The following SETD5 variants were observed in gnomAD, a reference collection of about 807,000 sequenced individuals.
SETD5 encodes the protein histone-lysine N-methyltransferase SETD5.
Under a neutral mutation model 153.3 loss-of-function variants are expected in SETD5, and 44 were observed. That is an observed-to-expected ratio of 0.29 (90% CI 0.23 to 0.37). SETD5 has a LOEUF of 0.37. Among genes scored for constraint, SETD5 ranks in the 10% least tolerant of loss-of-function variants. The pLI is 1.00. For synonymous variants in SETD5, 716 were observed against 645.2 expected (o/e 1.11, Z -1.66); for missense variants, 1,544 against 1,768.0 (o/e 0.87, Z 2.27).
intron 1 of SETD5, among the ~76,000 whole-genome samples, chr3:9,407,544 C>T (rs965745922): frequency 6.6e-6 from 1 of 152,062 alleles, no homozygotes; most frequent in Admixed American, 6.5e-5. Context: ...AAACATATCC[C>T]ACTTCATGAA....
At chr3:9,418,862 T>C (rs1171338722) in intron 1 of SETD5, among the ~76,000 whole-genome samples, 1 of 151,988 alleles carries the variant, frequency 6.6e-6, no homozygotes, top group East Asian at 1.9e-4. Context: ...ATAACTTTCA[T>C]TTTAGGGTTT....
At chr3:9,433,767 T>C in intron 3 of SETD5, 78 bp from the exon 4 acceptor site, 1 of 1,419,904 alleles carries the variant, frequency 7.0e-7, no homozygotes, top group Non-Finnish European at 9.9e-7. Context: ...GAGGAGGGGT[T>C]AGAATGGGAA....
chr3:9,410,340 G>T (rs2036368928), intron 1 of SETD5, among the ~76,000 whole-genome samples: 1 of 152,180 alleles, frequency 6.6e-6, no homozygotes, highest in South Asian at 2.1e-4. Context: ...ATCATATGTG[G>T]TCCATCCTTG....
intron 2 of SETD5, among the ~76,000 whole-genome samples, chr3:9,428,604 AAAAC>A (rs2039594542): frequency 6.6e-6 from 1 of 152,234 alleles, no homozygotes; most frequent in Non-Finnish European, 1.5e-5. Flanking sequence ...ACTGAAAAGA[AAAAC>A]AAAAGTAAAC....
At position 9,432,416 on chromosome 3, in the gene SETD5, A is replaced by G. The variant is rs139298161; in HGVS notation, c.72-1429A>G. The G allele has an allele frequency of 8.6e-6, 3 of 349,768 alleles. No homozygotes were observed. The East Asian group carries it at 5.0e-4, about 59-fold the overall frequency. 21.7% of individuals were successfully genotyped at this position (349,768 alleles called of 1,614,324 possible). On this transcript the variant is annotated intron_variant, in intron 3 of 22. Coordinates refer to ENST00000402198, the MANE Select transcript of SETD5 (RefSeq NM_001080517.3). ...TGAACTGCACACTTATTCCTGCTGTACTATATATTGTATATCTTTAAGCAG... is the reference window on the plus strand; with the variant it reads ...TGAACTGCACACTTATTCCTGCTGTGCTATATATTGTATATCTTTAAGCAG...
At chr3:9,443,949 C>A (rs2041621393) in intron 11 of SETD5, among the ~76,000 whole-genome samples, 1 of 152,152 alleles carries the variant, frequency 6.6e-6, no homozygotes, top group Non-Finnish European at 1.5e-5. Flanking sequence ...GTAGTCCCAG[C>A]CACTTGAGAG....
chr3:9,459,587 G>GGCGAAA (rs2043681742), intron 17 of SETD5, among the ~76,000 whole-genome samples: 3 of 151,074 alleles, frequency 2.0e-5, no homozygotes, highest in African/African-American at 7.3e-5. Flanking sequence ...TGGCTAACAC[G>GGCGAAA]GCGAAACCCC....
intron 17 of SETD5, among the ~76,000 whole-genome samples, chr3:9,454,969 T>G (rs1281107244): frequency 2.0e-5 from 3 of 152,138 alleles, no homozygotes; most frequent in African/African-American, 7.2e-5. Context: ...TTTCACATTT[T>G]CATAAAAAAC....
chr3:9,443,097 C>G (rs1209833434), intron 10 of SETD5: 1 of 437,578 alleles, frequency 2.3e-6, no homozygotes, highest in Non-Finnish European at 4.2e-6. Flanking sequence ...CAAGGTTTCT[C>G]CACATATTTA....
At chr3:9,446,006 C>T (rs369195380) in intron 13 of SETD5, among the ~76,000 whole-genome samples, 3 of 125,464 alleles carry the variant, frequency 2.4e-5, no homozygotes, top group South Asian at 4.7e-4. Flanking sequence ...ATCTGGTTTC[C>T]GCTGGGCGCG....
intron 17 of SETD5, among the ~76,000 whole-genome samples, chr3:9,456,895 G>A (rs1412521129): frequency 6.6e-6 from 1 of 152,080 alleles, no homozygotes; most frequent in African/African-American, 2.4e-5. Context: ...AGGATTGCTT[G>A]AACCTGGGAG....
Position 9,448,525 on chromosome 3 carries a change from A to T in SETD5, c.2241A>T (p.Leu747Phe), listed in dbSNP as rs776114123. 6.2e-7 allele frequency: 1 copy of T among 1,613,764 alleles called. No homozygotes were observed. The highest frequency in any genetic ancestry group is 1.7e-5 in the Admixed American group (1 of 59,978). The change falls in exon 16 of 23, where the codon TTA becomes TTT. Residue 747 changes from leucine to phenylalanine, a missense_variant. Transcript: ENST00000402198. ...TACCAGGTCTTATCCATTCCCCGTTAATTTGCACCACCCCCAAACACTACA... is the reference window on the plus strand; with the variant it reads ...TACCAGGTCTTATCCATTCCCCGTTTATTTGCACCACCCCCAAACACTACA... Reference protein sequence around the residue: ...NMLPGLIHSPLICTTPKHYIR... With the variant: ...NMLPGLIHSPFICTTPKHYIR...
chr3:9,445,988 T>TTTTTTTTTTTTTTTTTTTTTA (rs1260243657), intron 13 of SETD5, among the ~76,000 whole-genome samples: 2 of 145,620 alleles, frequency 1.4e-5, no homozygotes, highest in African/African-American at 5.2e-5. Flanking sequence ...TTTTTTTTTT[T>TTTTTTTTTTTTTTTTTTTTTA]ACTAACAATC....
In SETD5 at chr3:9,470,489, A is replaced by G. The variant is rs2045180503; in HGVS notation, c.2755A>G (p.Lys919Glu). 6.2e-7 allele frequency: 1 copy of G among 1,612,356 alleles called. No homozygotes were observed. The highest frequency in any genetic ancestry group is 8.5e-7 in the Non-Finnish European group (1 of 1,178,750). Residue 919 changes from lysine (K) to glutamate (E), a missense_variant, in exon 19 of 23, where the codon AAA (lysine) becomes GAA (glutamate). Coordinates refer to ENST00000402198, the MANE Select transcript of SETD5 (RefSeq NM_001080517.3). ...LCHRKDLDLA[K>E]VGYLDSNTNS... is the part of the protein sequence containing the mutation. ...TCACCGAAAAGACCTGGATTTGGCAAAAGTAGGATACCTTGACTCCAACAC... is the reference window on the plus strand; with the variant it reads ...TCACCGAAAAGACCTGGATTTGGCAGAAGTAGGATACCTTGACTCCAACAC...
intron 1 of SETD5, among the ~76,000 whole-genome samples, chr3:9,400,520 C>G (rs1166099092): frequency 6.6e-6 from 1 of 152,106 alleles, no homozygotes; most frequent in Non-Finnish European, 1.5e-5. Context: ...AGACGATTTG[C>G]TAAACATTTT....
rs1216022317 is a variant in SETD5, at chr3:9,434,867, C to A, written c.373C>A (p.Gln125Lys). 1.9e-6 allele frequency: 3 copies of A among 1,613,380 alleles called. No homozygotes were observed. The highest frequency in any genetic ancestry group is 2.5e-6 in the Non-Finnish European group (3 of 1,179,664). The change falls in exon 6 of 23, where the codon CAG (glutamine) becomes AAG (lysine). Residue 125 changes from glutamine to lysine, a missense_variant. Around this residue, in one of 9 missense-constraint regions of SETD5, gnomAD observed 251 missense variants for 326.9 expected, o/e 0.77. Coordinates refer to ENST00000402198, the MANE Select transcript of SETD5 (RefSeq NM_001080517.3). The surrounding 1 kb of genome is among the most constrained non-coding windows in gnomAD (Gnocchi z 5.6). ...GKVIRLHRRK[Q>K]DNISGGDSSA... ...GGTTATTAGACTTCATCGGCGGAAG[C>A]AGGACAACATATCAGGTGAGCGGAA...
At chr3:9,407,634 G>A (rs575424531) in intron 1 of SETD5, among the ~76,000 whole-genome samples, 7 of 152,210 alleles carry the variant, frequency 4.6e-5, no homozygotes, top group Admixed American at 2.0e-4. Context: ...TTTAATACTA[G>A]GAATATGTTT....
intron 19 of SETD5, 36 bp downstream of exon 19, chr3:9,470,965 G>C: frequency 8.8e-7 from 1 of 1,136,240 alleles, no homozygotes; most frequent in Non-Finnish European, 1.3e-6. Flanking sequence ...AACTTTTCAA[G>C]AATGTTAACC....
rs752596952 is a variant in SETD5, at chr3:9,470,829, G to A, written c.3095G>A (p.Gly1032Asp). ...GGATTTTCCAGCAGATATGAACATGGCTTAATGAAAGACCTCTCTCGTGGA... is the reference window on the plus strand; with the variant it reads ...GGATTTTCCAGCAGATATGAACATGACTTAATGAAAGACCTCTCTCGTGGA... ...AEGFSSRYEH[G>D]LMKDLSRGSL... The change falls in exon 19 of 23, where the codon GGC becomes GAC. Residue 1032 changes from glycine (G) to aspartate (D), a missense_variant. Transcript: ENST00000402198. 1.3e-5 allele frequency: 21 copies of A among 1,612,918 alleles called. No individual in the cohort carries two copies. Among genetic ancestry groups the A allele is most frequent in the African/African-American group, 5.3e-5 (4 of 74,900 alleles).
Sources: allele counts gnomAD v4.1 joint callset (sites outside exome capture counted in the v4.1 genomes callset), GRCh38; gene constraint gnomAD v4.1.1; regional missense constraint gnomAD v4.1.1; non-coding constraint Gnocchi (gnomAD v3.1); transcripts MANE v1.5; gene names NCBI Gene and HGNC (gene_info 2026-07-23, HGNC 2026-07-21).